The following PHF3 variants were observed in gnomAD, a reference collection of about 807,000 sequenced individuals.
The protein encoded by PHF3 is PHD finger protein 3.
In PHF3, 41 loss-of-function variants were observed where a neutral mutation model predicts 178.4. That is an observed-to-expected ratio of 0.23 (90% CI 0.18 to 0.30). The LOEUF is 0.30. Ranked by LOEUF, PHF3 falls within the 10% of genes least tolerant of loss-of-function variation. The probability of loss-of-function intolerance (pLI) is 1.00; values close to 1 mark genes in which losing one functional copy is unlikely to be tolerated. For synonymous variants in PHF3, 842 were observed against 800.5 expected, an observed-to-expected ratio of 1.05 and a Z score of -0.88; for missense variants, 2,346 against 2,398.1, an observed-to-expected ratio of 0.98 and a Z score of 0.45.
chr6:63,694,837 C>T (rs1418316426), intron 6 of PHF3, 73 bp downstream of exon 6: 4 of 898,452 alleles, frequency 4.5e-6, no homozygotes, highest in African/African-American at 3.5e-5. Flanking sequence ...AATTAGTATA[C>T]TTAGGGAATT....
At chr6:63,695,231 TAGAA>T (rs1473701518) in intron 6 of PHF3, among the ~76,000 whole-genome samples, 4 of 152,122 alleles carry the variant, frequency 2.6e-5, no homozygotes, top group African/African-American at 7.2e-5. Flanking sequence ...GGCTTTGTGG[TAGAA>T]AGAAGTGTGG....
intron 11 of PHF3, among the ~76,000 whole-genome samples, chr6:63,703,926 G>A (rs1017525185): frequency 6.6e-6 from 1 of 152,108 alleles, no homozygotes; most frequent in African/African-American, 2.4e-5. Context: ...GGAGTCAAAT[G>A]ACAAGAATTT....
Position 63,691,993 on chromosome 6 carries a change from A to G in PHF3, c.2446A>G (p.Thr816Ala). The G allele has an allele frequency of 6.2e-7, 1 of 1,613,534 alleles. No homozygotes were observed. Among genetic ancestry groups the G allele is most frequent in the Non-Finnish European group, 8.5e-7 (1 of 1,179,806 alleles). ...GLSKHTTNDR[T>A]KYIDDTVKHK... The stretch of plus-strand genomic sequence containing the variant: ...ATCAAAACACACAACAAATGATAGA[A>G]CCAAATATATAGATGATACAGTGAA... The change falls in exon 5 of 16, where the codon ACC becomes GCC. Residue 816 changes from threonine to alanine, a missense_variant. Physicochemically the swap from Thr to Ala is moderately conservative, Grantham distance 58. Coordinates refer to ENST00000262043, the MANE Select transcript of PHF3 (RefSeq NM_001370348.2).
intron 4 of PHF3, among the ~76,000 whole-genome samples, chr6:63,690,157 T>C (rs1404647841): frequency 6.6e-6 from 1 of 152,174 alleles, no homozygotes. Context: ...ATCTCAAACC[T>C]GTAGGAATTA....
chr6:63,650,641 T>C (rs1161254750), intron 2 of PHF3, among the ~76,000 whole-genome samples: 1 of 152,230 alleles, frequency 6.6e-6, no homozygotes, highest in East Asian at 1.9e-4. Context: ...TTTTTTGGCA[T>C]ATGAATTTTA....
chr6:63,711,740 A>G lies in PHF3; in HGVS notation c.4152A>G (p.Ile1384Met). ...TGCCACCTGATAAAAAAAGTAAAAT[A>G]GAAGTTTCTACAGAAGAAGCACCAG... ...IALPPDKKSKIEVSTEEAPEE... is the reference protein window; with the variant it reads ...IALPPDKKSKMEVSTEEAPEE... The change falls in exon 16 of 16, where the codon ATA (isoleucine) becomes ATG (methionine). Residue 1384 changes from isoleucine (I) to methionine (M), a missense_variant. This residue lies in a region of PHF3 where 839 missense variants were observed against 806.9 expected (regional missense o/e 1.04). Coordinates refer to ENST00000262043, the MANE Select transcript of PHF3 (RefSeq NM_001370348.2). 1.2e-6 allele frequency: 2 copies of G among 1,613,956 alleles called. No individual in the cohort carries two copies. The highest frequency in any genetic ancestry group is 1.7e-6 in the Non-Finnish European group (2 of 1,179,908).
intron 4 of PHF3, among the ~76,000 whole-genome samples, chr6:63,687,045 TA>T (rs1378253120): frequency 6.6e-6 from 1 of 152,226 alleles, no homozygotes; most frequent in African/African-American, 2.4e-5. Flanking sequence ...TTCCAGTTTT[TA>T]AAAGTTGTCA....
Position 63,711,606 on chromosome 6 carries a change from A to G in PHF3, c.4018A>G (p.Asn1340Asp). The G allele has an allele frequency of 6.3e-7, 1 of 1,591,200 alleles. No individual in the cohort carries two copies. Among genetic ancestry groups the G allele is most frequent in the South Asian group, 1.2e-5 (1 of 86,366 alleles). The change falls in exon 16 of 16, where the codon AAT (asparagine) becomes GAT (aspartate). Residue 1340 changes from asparagine (N) to aspartate (D), a missense_variant. Around this residue, in one of 8 missense-constraint regions of PHF3, gnomAD observed 90 missense variants for 136.6 expected, o/e 0.66. Transcript: ENST00000262043. ...TACAGGGCTTGAACTGCATAGACCTAATCTATTGTTGGGCTTAATTATTCG... is the reference window on the plus strand; with the variant it reads ...TACAGGGCTTGAACTGCATAGACCTGATCTATTGTTGGGCTTAATTATTCG... ...DGPGLELHRP[N>D]LLLGLIIRQK...
chr6:63,639,399 C>T (rs1764481396), intron 1 of PHF3, among the ~76,000 whole-genome samples: 1 of 152,034 alleles, frequency 6.6e-6, no homozygotes. Flanking sequence ...ATTGCTTTTC[C>T]TCCAATGATG....
chr6:63,636,068 C>A lies in PHF3; in HGVS notation c.-108C>A. 2.5e-6 allele frequency: 1 copy of A among 392,840 alleles called. No homozygotes were observed. The highest frequency in any genetic ancestry group is 4.5e-6 in the Non-Finnish European group (1 of 222,666). 24.3% of individuals were successfully genotyped at this position (392,840 alleles called of 1,614,324 possible). On this transcript the variant is annotated 5_prime_UTR_variant, in exon 1 of 16. Coordinates refer to ENST00000262043, the MANE Select transcript of PHF3 (RefSeq NM_001370348.2). ...CCCCCTCTCCGCGGCACCCACCGGG[C>A]CCCCTCCTCCTCCTCTTCGGCGGCG...
At position 63,713,798 on chromosome 6, in the gene PHF3, C is replaced by A; in HGVS notation, c.*90C>A. 3 of 1,147,154 alleles carry A rather than the reference C, an allele frequency of 2.6e-6. No homozygotes were observed. Among genetic ancestry groups the A allele is most frequent in the Non-Finnish European group, 2.4e-6 (2 of 828,598 alleles). 71.1% of individuals were successfully genotyped at this position (1,147,154 alleles called of 1,614,324 possible). A position where few individuals can be genotyped will look rare whatever the true frequency, so the allele number is the denominator to read the frequency against. On this transcript the variant is annotated 3_prime_UTR_variant, in exon 16 of 16. Coordinates refer to ENST00000262043, the MANE Select transcript of PHF3 (RefSeq NM_001370348.2). ...AGAAAGATTGCCTGCTAGGATTGTG[C>A]CATCTTTAAAATTTTTACTATTGGT...
intron 9 of PHF3, among the ~76,000 whole-genome samples, chr6:63,701,752 T>C (rs963679330): frequency 6.6e-6 from 1 of 152,180 alleles, no homozygotes. Context: ...GAAAATAATA[T>C]CACCTCCTCT....
chr6:63,720,939 G>A lies in PHF3; in HGVS notation c.*7231G>A. ...GAATGTGCCATTGTTATAGCTCATA[G>A]GCACAGAGATTCTTTCTCCCAAGTT... On this transcript the variant is annotated 3_prime_UTR_variant, in exon 16 of 16. Coordinates refer to ENST00000262043, the MANE Select transcript of PHF3 (RefSeq NM_001370348.2). 1 of 1,551,252 alleles carries A rather than the reference G, an allele frequency of 6.4e-7. No homozygotes were observed. The highest frequency in any genetic ancestry group is 8.7e-7 in the Non-Finnish European group (1 of 1,146,724).
chr6:63,659,079 G>T (rs1442645139), intron 2 of PHF3, among the ~76,000 whole-genome samples: 1 of 152,102 alleles, frequency 6.6e-6, no homozygotes, highest in Non-Finnish European at 1.5e-5. Context: ...GCAGCATTTA[G>T]ACTTGTGTTT....
chr6:63,656,600 C>G (rs1172228086), intron 2 of PHF3, among the ~76,000 whole-genome samples: 1 of 152,166 alleles, frequency 6.6e-6, no homozygotes, highest in Non-Finnish European at 1.5e-5. Flanking sequence ...CCAGAGCCCC[C>G]TGAGTTTGTC....
chr6:63,663,343 A>T (rs1582030037), intron 2 of PHF3, among the ~76,000 whole-genome samples: 1 of 152,184 alleles, frequency 6.6e-6, no homozygotes, highest in East Asian at 1.9e-4. Context: ...CTATCCTAGA[A>T]ATAGGATAGC....
At chr6:63,710,327 A>G (rs1767872101) in intron 14 of PHF3, among the ~76,000 whole-genome samples, 1 of 152,204 alleles carries the variant, frequency 6.6e-6, no homozygotes, top group African/African-American at 2.4e-5. Flanking sequence ...ACACTCTGTA[A>G]TAGTTGTTAC....
intron 1 of PHF3, among the ~76,000 whole-genome samples, chr6:63,640,166 G>T (rs1314696044): frequency 6.6e-6 from 1 of 152,204 alleles, no homozygotes; most frequent in Non-Finnish European, 1.5e-5. Context: ...CAGATTTGAA[G>T]TGGGGGTGTA....
At chr6:63,699,952 G>A (rs1767401132) in intron 8 of PHF3, among the ~76,000 whole-genome samples, 1 of 152,112 alleles carries the variant, frequency 6.6e-6, no homozygotes, top group African/African-American at 2.4e-5. Flanking sequence ...TTTCCTCCAA[G>A]CCTGTCAGGA....
Sources: allele counts gnomAD v4.1 joint callset (sites outside exome capture counted in the v4.1 genomes callset), GRCh38; gene constraint gnomAD v4.1.1; regional missense constraint gnomAD v4.1.1; transcripts MANE v1.5; gene names NCBI Gene and HGNC (gene_info 2026-07-23, HGNC 2026-07-21).